ADGRL2: variants seen among roughly 807,000 people sequenced by gnomAD.
The protein encoded by ADGRL2 is adhesion G protein-coupled receptor L2.
In ADGRL2, 44 loss-of-function variants were observed where a neutral mutation model predicts 157.4. The ratio of observed to expected loss-of-function variants is 0.28; its 90% CI spans 0.22 to 0.36. The LOEUF is 0.36. Ranked by LOEUF, ADGRL2 falls within the 10% of genes least tolerant of loss-of-function variation. The pLI is 1.00. For missense variants in ADGRL2, 1,510 were observed against 1,768.9 expected (o/e 0.85, Z 2.63); for synonymous variants, 585 against 624.7 (o/e 0.94, Z 0.95).
chr1:81,440,066 G>A (rs912088957), intron 1 of ADGRL2, among the ~76,000 whole-genome samples: 5 of 152,146 alleles, frequency 3.3e-5, no homozygotes, highest in Non-Finnish European at 5.9e-5. Flanking sequence ...AAAGGCTAAA[G>A]CAAAGACACC....
chr1:81,506,147 G>C (rs1367435909), intron 2 of ADGRL2: 1 of 155,188 alleles, frequency 6.4e-6, no homozygotes. Context: ...AGAACATGTT[G>C]AAACTGGAAA....
At chr1:81,907,318 G>T in intron 3 of ADGRL2, 88 bp downstream of exon 3, 1 of 1,068,238 alleles carries the variant, frequency 9.4e-7, no homozygotes, top group South Asian at 1.3e-5. Context: ...AATGGATATA[G>T]ACCACATCCC....
At chr1:81,812,790 G>A (rs1417607588) in intron 1 of ADGRL2, among the ~76,000 whole-genome samples, 1 of 151,660 alleles carries the variant, frequency 6.6e-6, no homozygotes, top group Non-Finnish European at 1.5e-5. Context: ...ACTTTTACTT[G>A]CAATAATGGA....
intron 2 of ADGRL2, among the ~76,000 whole-genome samples, chr1:81,900,440 C>T (rs2094465415): frequency 6.6e-6 from 1 of 152,096 alleles, no homozygotes; most frequent in Admixed American, 6.6e-5. Context: ...CCTTCAAAAC[C>T]AGTGGCTTTA....
chr1:81,709,581 T>A (rs1176130626), intron 1 of ADGRL2, among the ~76,000 whole-genome samples: 1 of 152,120 alleles, frequency 6.6e-6, no homozygotes, highest in Non-Finnish European at 1.5e-5. Context: ...GGAGTTTATT[T>A]TTTTTTTAAT....
At chr1:81,981,414 A>G (rs2149444664) in intron 18 of ADGRL2, among the ~76,000 whole-genome samples, 1 of 152,034 alleles carries the variant, frequency 6.6e-6, no homozygotes, top group Admixed American at 6.6e-5. Context: ...ACCTTTCTGT[A>G]TGTGTCACAT....
chr1:81,717,444 A>G (rs1183171515), intron 1 of ADGRL2, among the ~76,000 whole-genome samples: 1 of 152,208 alleles, frequency 6.6e-6, no homozygotes, highest in East Asian at 1.9e-4. Context: ...TGATTTGGCA[A>G]TGAAGTGAAA....
chr1:81,788,676 A>G (rs537015578), intron 2 of ADGRL2, among the ~76,000 whole-genome samples: 1 of 152,222 alleles, frequency 6.6e-6, no homozygotes, highest in Non-Finnish European at 1.5e-5. Flanking sequence ...TATACACCAA[A>G]TGCTGCCAGA....
At chr1:81,945,445 T>A (rs1017629795) in intron 6 of ADGRL2, among the ~76,000 whole-genome samples, 11 of 152,106 alleles carry the variant, frequency 7.2e-5, no homozygotes, top group Non-Finnish European at 1.3e-4. Flanking sequence ...TTTTACAAAT[T>A]GCAAATTCAT....
intron 3 of ADGRL2, among the ~76,000 whole-genome samples, chr1:81,685,396 A>G (rs1389473004): frequency 6.6e-6 from 1 of 150,974 alleles, no homozygotes; most frequent in Non-Finnish European, 1.5e-5. Context: ...TTTTACAGCT[A>G]TTTTAAAAGA....
intron 1 of ADGRL2, among the ~76,000 whole-genome samples, chr1:81,706,449 G>A (rs1427752259): frequency 6.6e-6 from 1 of 152,116 alleles, no homozygotes; most frequent in Non-Finnish European, 1.5e-5. Flanking sequence ...CAATTTGGAC[G>A]TAATGAGTGT....
intron 1 of ADGRL2, among the ~76,000 whole-genome samples, chr1:81,332,968 A>G (rs1423443903): frequency 6.6e-6 from 1 of 152,210 alleles, no homozygotes; most frequent in African/African-American, 2.4e-5. Flanking sequence ...AAGTTTATAC[A>G]CTAGGAAGTT....
At chr1:81,916,357 A>G (rs749068361) in intron 3 of ADGRL2, among the ~76,000 whole-genome samples, 1 of 152,190 alleles carries the variant, frequency 6.6e-6, no homozygotes, top group Non-Finnish European at 1.5e-5. Flanking sequence ...TTAAAAAGTT[A>G]TACTTTGAAC....
intron 2 of ADGRL2, among the ~76,000 whole-genome samples, chr1:81,766,190 TTTTA>T (rs1296990278): frequency 2.0e-5 from 3 of 152,102 alleles, no homozygotes; most frequent in Non-Finnish European, 2.9e-5. Context: ...ATTATCCTGT[TTTTA>T]TTTATTTATT....
intron 1 of ADGRL2, among the ~76,000 whole-genome samples, chr1:81,733,796 A>G (rs1348918744): frequency 6.6e-6 from 1 of 152,130 alleles, no homozygotes; most frequent in African/African-American, 2.4e-5. Context: ...GAACACAGGG[A>G]TACAAAGAAG....
intron 2 of ADGRL2, chr1:81,502,386 T>C: frequency 6.2e-7 from 1 of 1,613,862 alleles, no homozygotes; most frequent in Non-Finnish European, 8.5e-7. Context: ...GGAAGAGAGA[T>C]CTCTCGAGAT....
chr1:81,446,508 A>C (rs979543421), intron 2 of ADGRL2, among the ~76,000 whole-genome samples: 3 of 152,184 alleles, frequency 2.0e-5, no homozygotes, highest in African/African-American at 7.2e-5. Flanking sequence ...CTTCTCTTCT[A>C]AGAAGCATAA....
intron 1 of ADGRL2, among the ~76,000 whole-genome samples, chr1:81,431,522 C>G (rs1553164373): frequency 2.0e-5 from 3 of 152,162 alleles, no homozygotes; most frequent in Non-Finnish European, 1.5e-5. Flanking sequence ...AAACTGAAGA[C>G]AGAGAATTAG....
At chr1:81,429,245 T>A (rs1434018863) in intron 1 of ADGRL2, among the ~76,000 whole-genome samples, 1 of 152,066 alleles carries the variant, frequency 6.6e-6, no homozygotes, top group Non-Finnish European at 1.5e-5. Context: ...GAGGTAACAG[T>A]TCATTGTGCA....
Sources: allele counts gnomAD v4.1 joint callset (sites outside exome capture counted in the v4.1 genomes callset), GRCh38; gene constraint gnomAD v4.1.1; transcripts MANE v1.5; gene names NCBI Gene and HGNC (gene_info 2026-07-23, HGNC 2026-07-21).